Variants in TMEM135 observed in about 807,000 individuals in gnomAD.
The protein encoded by TMEM135 is peroxisomal membrane protein 52.
Under a neutral mutation model 60.3 loss-of-function variants are expected in TMEM135, and 30 were observed. That is an observed-to-expected ratio of 0.50 (90% CI 0.37 to 0.68). The LOEUF (loss-of-function observed/expected upper bound fraction) is 0.68, where lower values mean the gene tolerates loss of function less well. TMEM135 is among the 30% of genes least tolerant of loss of function. The probability of loss-of-function intolerance (pLI) is 0.00; values close to 1 mark genes in which losing one functional copy is unlikely to be tolerated. For missense variants in TMEM135, 468 were observed against 548.8 expected, an observed-to-expected ratio of 0.85 and a Z score of 1.47; for synonymous variants, 190 against 186.7, an observed-to-expected ratio of 1.02 and a Z score of -0.14.
chr11:87,321,440 A>T lies in TMEM135; in HGVS notation c.*107A>T. 8.4e-7 allele frequency: 1 copy of T among 1,189,104 alleles called. No homozygotes were observed. Among genetic ancestry groups the T allele is most frequent in the South Asian group, 1.2e-5 (1 of 81,602 alleles). 73.7% of individuals were successfully genotyped at this position (1,189,104 alleles called of 1,614,324 possible). ...CTCGAACTTCAGTGTTATTTCAGTTAGAGATACTCTTTTCATTTGTTTTGT... is the reference window on the plus strand; with the variant it reads ...CTCGAACTTCAGTGTTATTTCAGTTTGAGATACTCTTTTCATTTGTTTTGT... On this transcript the variant is annotated 3_prime_UTR_variant, in exon 15 of 15. Transcript: ENST00000305494.
intron 6 of TMEM135, among the ~76,000 whole-genome samples, chr11:87,274,602 T>G (rs1182335091): frequency 6.6e-6 from 1 of 152,160 alleles, no homozygotes; most frequent in Non-Finnish European, 1.5e-5. Context: ...GTGAATGAAC[T>G]CTTGAAAAAT....
chr11:87,068,766 G>A (rs970741922), intron 2 of TMEM135, among the ~76,000 whole-genome samples: 6 of 148,910 alleles, frequency 4.0e-5, no homozygotes, highest in East Asian at 2.0e-4. Flanking sequence ...AGCCGAGATC[G>A]CGCCATTGCA....
intron 6 of TMEM135, among the ~76,000 whole-genome samples, chr11:87,240,048 T>C (rs1591128950): frequency 6.6e-6 from 1 of 152,096 alleles, no homozygotes; most frequent in East Asian, 1.9e-4. Context: ...TGGTGTGTAA[T>C]GTGAAATGCT....
At chr11:87,183,871 G>A (rs748292834) in intron 5 of TMEM135, among the ~76,000 whole-genome samples, 2 of 146,078 alleles carry the variant, frequency 1.4e-5, no homozygotes, top group Admixed American at 7.2e-5. Flanking sequence ...CAGAAGAATC[G>A]CTTGAACCTG....
chr11:87,180,356 C>T (rs7946467), intron 5 of TMEM135, among the ~76,000 whole-genome samples: 2,752 of 152,090 alleles, frequency 0.018, 71 homozygotes, highest in East Asian at 0.071. Flanking sequence ...TGCTTTTTTC[C>T]CCCCTTTCTT....
At chr11:87,072,043 A>G (rs1343491002) in intron 3 of TMEM135, among the ~76,000 whole-genome samples, 2 of 152,090 alleles carry the variant, frequency 1.3e-5, no homozygotes, top group Admixed American at 1.3e-4. Flanking sequence ...TACAAAGAAT[A>G]TTAGCTGGAT....
chr11:87,328,184 C>T lies in TMEM135; in HGVS notation c.*6851C>T. Reference sequence around the variant, plus strand: ...GGACATATTCCAATTCTGTATAGATCAGATCTCAGTTTCATTTCCCATTAT... The same window carrying T: ...GGACATATTCCAATTCTGTATAGATTAGATCTCAGTTTCATTTCCCATTAT... On this transcript the variant is annotated 3_prime_UTR_variant, in exon 15 of 15. Transcript: ENST00000305494. 1 of 454,024 alleles carries T rather than the reference C, an allele frequency of 2.2e-6. No homozygotes were observed. The highest frequency in any genetic ancestry group is 4.4e-6 in the Non-Finnish European group (1 of 226,782). 28.1% of individuals were successfully genotyped at this position (454,024 alleles called of 1,614,324 possible). A position where few individuals can be genotyped will look rare whatever the true frequency, so the allele number is the denominator to read the frequency against.
chr11:87,221,933 C>T (rs1940626905), intron 5 of TMEM135, among the ~76,000 whole-genome samples: 1 of 152,106 alleles, frequency 6.6e-6, no homozygotes, highest in Non-Finnish European at 1.5e-5. Context: ...CACCGTGGTA[C>T]ACACCTGTAA....
intron 3 of TMEM135, among the ~76,000 whole-genome samples, chr11:87,078,400 T>G (rs1856917590): frequency 6.6e-6 from 1 of 152,202 alleles, no homozygotes; most frequent in Non-Finnish European, 1.5e-5. Flanking sequence ...TTCAAATCCT[T>G]TGCCCATGTT....
chr11:87,144,331 C>A (rs1249680332), intron 4 of TMEM135, among the ~76,000 whole-genome samples: 1 of 151,970 alleles, frequency 6.6e-6, no homozygotes, highest in South Asian at 2.1e-4. Context: ...TCTAAAGGGC[C>A]AGTAAGTGTT....
intron 4 of TMEM135, among the ~76,000 whole-genome samples, chr11:87,099,260 C>G (rs918057453): frequency 2.0e-5 from 3 of 151,912 alleles, no homozygotes; most frequent in African/African-American, 7.3e-5. Flanking sequence ...GGAAAGAGAT[C>G]TTTGACTTTG....
At chr11:87,067,891 A>C in intron 2 of TMEM135, 70 bp downstream of exon 2, 2 of 1,575,012 alleles carry the variant, frequency 1.3e-6, no homozygotes, top group Non-Finnish European at 8.7e-7. Context: ...GTATGTGTTT[A>C]CATAAATGTT....
rs1056281460 is a variant in TMEM135 at position 87,323,384 on chromosome 11, A to T, written c.*2051A>T. 4.4e-6 allele frequency: 2 copies of T among 454,030 alleles called. No homozygotes were observed. The highest frequency in any genetic ancestry group is 8.8e-6 in the Non-Finnish European group (2 of 226,744). 28.1% of individuals were successfully genotyped at this position (454,030 alleles called of 1,614,324 possible). On this transcript the variant is annotated 3_prime_UTR_variant, in exon 15 of 15. Transcript: ENST00000305494. ...TTTGATTTCATTGGGACAGACTGCAAAGTGTAGTTGTTTGAGCAAACACAA... is the reference window on the plus strand; with the variant it reads ...TTTGATTTCATTGGGACAGACTGCATAGTGTAGTTGTTTGAGCAAACACAA...
intron 5 of TMEM135, among the ~76,000 whole-genome samples, chr11:87,160,841 G>T (rs1169986396): frequency 6.6e-6 from 1 of 152,126 alleles, no homozygotes; most frequent in African/African-American, 2.4e-5. Context: ...TGTATAAGGA[G>T]TAGCTGGACC....
chr11:87,138,395 A>G (rs1938168122), intron 4 of TMEM135, among the ~76,000 whole-genome samples: 1 of 152,124 alleles, frequency 6.6e-6, no homozygotes, highest in South Asian at 2.1e-4. Context: ...CCAGCTCCAA[A>G]TTGATTTCAT....
At chr11:87,301,751 A>G (rs1377095490) in intron 7 of TMEM135, among the ~76,000 whole-genome samples, 1 of 152,214 alleles carries the variant, frequency 6.6e-6, no homozygotes, top group African/African-American at 2.4e-5. Context: ...TCTAATTGTG[A>G]TAATATTTTC....
Position 87,322,356 on chromosome 11 carries a change from T to C in TMEM135, c.*1023T>C, listed in dbSNP as rs1183231505. 4 of 453,878 alleles carry C rather than the reference T, an allele frequency of 8.8e-6. No homozygotes were observed. Among genetic ancestry groups the C allele is most frequent in the Non-Finnish European group, 1.8e-5 (4 of 226,736 alleles). 28.1% of individuals were successfully genotyped at this position (453,878 alleles called of 1,614,324 possible). A position where few individuals can be genotyped will look rare whatever the true frequency, so the allele number is the denominator to read the frequency against. On this transcript the variant is annotated 3_prime_UTR_variant, in exon 15 of 15. Coordinates refer to ENST00000305494, the MANE Select transcript of TMEM135 (RefSeq NM_022918.4). ...ATCCAGTGGTTGTTTAAAAAGTCCATTTGTCACTAATTCCATTCAGGTTCT... is the reference window on the plus strand; with the variant it reads ...ATCCAGTGGTTGTTTAAAAAGTCCACTTGTCACTAATTCCATTCAGGTTCT...
At chr11:87,129,916 T>G (rs1174380814) in intron 4 of TMEM135, among the ~76,000 whole-genome samples, 1 of 125,794 alleles carries the variant, frequency 7.9e-6, no homozygotes, top group Admixed American at 9.1e-5. Context: ...GTACCCTAAA[T>G]TAATAGAATG....
intron 4 of TMEM135, among the ~76,000 whole-genome samples, chr11:87,102,846 A>G (rs888356504): frequency 3.3e-5 from 5 of 151,768 alleles, no homozygotes; most frequent in South Asian, 2.1e-4. Context: ...TGAAATGTAC[A>G]TTATGTCCTT....
Sources: allele counts gnomAD v4.1 joint callset (sites outside exome capture counted in the v4.1 genomes callset), GRCh38; gene constraint gnomAD v4.1.1; transcripts MANE v1.5; gene names NCBI Gene and HGNC (gene_info 2026-07-23, HGNC 2026-07-21).